Variants in OSBPL6 observed in about 807,000 individuals in gnomAD.
The protein encoded by OSBPL6 is oxysterol-binding protein-related protein 6.
Under a neutral mutation model 125.8 loss-of-function variants are expected in OSBPL6, and 49 were observed. The ratio of observed to expected loss-of-function variants is 0.39; its 90% CI spans 0.31 to 0.49. OSBPL6 has a LOEUF of 0.49. Ranked by LOEUF, OSBPL6 falls within the 20% of genes least tolerant of loss-of-function variation. The probability of loss-of-function intolerance (pLI) is 0.88; values close to 1 mark genes in which losing one functional copy is unlikely to be tolerated. For missense variants in OSBPL6, 986 were observed against 1,135.4 expected, an observed-to-expected ratio of 0.87 and a Z score of 1.89; for synonymous variants, 394 against 391.8, an observed-to-expected ratio of 1.01 and a Z score of -0.07.
At chr2:178,290,724 C>T (rs334622) in intron 2 of OSBPL6, among the ~76,000 whole-genome samples, 76,261 of 151,832 alleles carry the variant, frequency 0.5, 19,357 homozygotes, top group Non-Finnish European at 0.53. Flanking sequence ...TTCTAAGCAG[C>T]CTGGTTCTTT....
chr2:178,321,724 T>C (rs1688259677), intron 3 of OSBPL6, among the ~76,000 whole-genome samples: 1 of 152,186 alleles, frequency 6.6e-6, no homozygotes, highest in African/African-American at 2.4e-5. Flanking sequence ...GTCCTTTAAC[T>C]TTTTCAGTAA....
intron 1 of OSBPL6, among the ~76,000 whole-genome samples, chr2:178,274,647 T>C (rs906608038): frequency 6.6e-6 from 1 of 152,178 alleles, no homozygotes; most frequent in Non-Finnish European, 1.5e-5. Flanking sequence ...AGTAAGGGTG[T>C]CCCTAGATTT....
chr2:178,394,226 A>G, intron 23 of OSBPL6, 87 bp from the exon 24 acceptor site: 1 of 1,512,738 alleles, frequency 6.6e-7, no homozygotes, highest in Non-Finnish European at 9.0e-7. Flanking sequence ...TGTTCATAGC[A>G]ATTAGAAAAC....
At chr2:178,254,869 G>C (rs530119127) in intron 1 of OSBPL6, among the ~76,000 whole-genome samples, 17 of 152,360 alleles carry the variant, frequency 1.1e-4, no homozygotes, top group African/African-American at 4.1e-4. Flanking sequence ...CTGTTCTCAT[G>C]ATGCTACATA....
chr2:178,249,585 C>T (rs1008846383), intron 1 of OSBPL6, among the ~76,000 whole-genome samples: 4 of 152,032 alleles, frequency 2.6e-5, no homozygotes, highest in African/African-American at 9.7e-5. Flanking sequence ...GTACAGAAAC[C>T]TTTTTCTGTC....
At chr2:178,381,202 CTCTGTT>C (rs1254049208) in intron 15 of OSBPL6, among the ~76,000 whole-genome samples, 4 of 152,168 alleles carry the variant, frequency 2.6e-5, no homozygotes, top group African/African-American at 4.8e-5. Context: ...TCCTGATCTG[CTCTGTT>C]TCTAAGTCCC....
At chr2:178,266,307 T>G (rs1037165557) in intron 1 of OSBPL6, among the ~76,000 whole-genome samples, 4 of 152,160 alleles carry the variant, frequency 2.6e-5, no homozygotes, top group Non-Finnish European at 5.9e-5. Flanking sequence ...GTTCAGCTGT[T>G]TATTGACCTA....
chr2:178,344,667 G>T (rs199645724), intron 11 of OSBPL6, among the ~76,000 whole-genome samples: 16 of 150,700 alleles, frequency 1.1e-4, no homozygotes, highest in East Asian at 1.9e-4. Flanking sequence ...AAATTATATT[G>T]TTTTTTTTTC....
In OSBPL6 at chr2:178,220,911, A is replaced by G. The variant is rs542944618; in HGVS notation, c.-351+26237A>G. On this transcript the variant is annotated intron_variant, in intron 1 of 24. Coordinates refer to ENST00000190611, the MANE Select transcript of OSBPL6 (RefSeq NM_032523.4). ...GCATGGAAATATGCAGTAACAGGACATGGCTGGAGTGTGGCTGAGCAGTGA... is the reference window on the plus strand; with the variant it reads ...GCATGGAAATATGCAGTAACAGGACGTGGCTGGAGTGTGGCTGAGCAGTGA... Among the ~76,000 whole-genome samples, 24 of 152,252 alleles carry G rather than the reference A, an allele frequency of 1.6e-4. 1 individual carries two copies. The highest frequency in any genetic ancestry group is 4.6e-4 in the African/African-American group (19 of 41,558).
chr2:178,383,770 GA>G (rs1395826245), intron 17 of OSBPL6, among the ~76,000 whole-genome samples: 1 of 152,198 alleles, frequency 6.6e-6, no homozygotes, highest in Non-Finnish European at 1.5e-5. Flanking sequence ...CAGAACCTTT[GA>G]ACTCTGTGAT....
intron 1 of OSBPL6, among the ~76,000 whole-genome samples, chr2:178,207,462 T>C (rs953670289): frequency 6.6e-6 from 1 of 152,234 alleles, no homozygotes; most frequent in Non-Finnish European, 1.5e-5. Context: ...TTTGGGGTCA[T>C]ATATGGTAAA....
chr2:178,345,363 G>T (rs1177548633), intron 11 of OSBPL6, among the ~76,000 whole-genome samples: 1 of 152,186 alleles, frequency 6.6e-6, no homozygotes, highest in East Asian at 1.9e-4. Flanking sequence ...AGGATGGGTG[G>T]CTTTCTACTT....
chr2:178,342,937 C>T (rs1690347123), intron 11 of OSBPL6, among the ~76,000 whole-genome samples: 1 of 152,022 alleles, frequency 6.6e-6, no homozygotes, highest in Non-Finnish European at 1.5e-5. Flanking sequence ...AAGTTCTTCC[C>T]CCTTTTACTA....
chr2:178,230,621 T>A (rs1167051793), intron 1 of OSBPL6: 1 of 152,142 alleles, frequency 6.6e-6, no homozygotes. Flanking sequence ...TGTGGTGCAT[T>A]GTGTGGGAGG....
chr2:178,372,300 GT>G, intron 14 of OSBPL6, 67 bp downstream of exon 14: 1 of 1,168,432 alleles, frequency 8.6e-7, no homozygotes, highest in Non-Finnish European at 1.2e-6. Flanking sequence ...GCATATTTTT[GT>G]TTATTTATAT....
chr2:178,351,604 T>C (rs1691263028), intron 12 of OSBPL6, among the ~76,000 whole-genome samples: 1 of 152,204 alleles, frequency 6.6e-6, no homozygotes, highest in Non-Finnish European at 1.5e-5. Context: ...ATGAAAGATA[T>C]TCCATACTCA....
chr2:178,318,041 T>C (rs1209112292), intron 3 of OSBPL6, among the ~76,000 whole-genome samples: 1 of 152,208 alleles, frequency 6.6e-6, no homozygotes, highest in African/African-American at 2.4e-5. Context: ...TTGAGTGTTA[T>C]GAGTACAGAA....
At chr2:178,253,720 T>C (rs2091778331) in intron 1 of OSBPL6, among the ~76,000 whole-genome samples, 1 of 152,218 alleles carries the variant, frequency 6.6e-6, no homozygotes, top group Non-Finnish European at 1.5e-5. Flanking sequence ...TACCTATCAT[T>C]GTAGTGGAGT....
chr2:178,235,289 G>C (rs973969856), intron 1 of OSBPL6, among the ~76,000 whole-genome samples: 23 of 150,242 alleles, frequency 1.5e-4, no homozygotes, highest in Admixed American at 1.3e-3. Context: ...TGGGGTTAAT[G>C]GTTTTTTTGT....
Sources: allele counts gnomAD v4.1 joint callset (sites outside exome capture counted in the v4.1 genomes callset), GRCh38; gene constraint gnomAD v4.1.1; transcripts MANE v1.5; gene names NCBI Gene and HGNC (gene_info 2026-07-23, HGNC 2026-07-21).